The following ADAMTS10 variants were observed in gnomAD, a reference collection of about 807,000 sequenced individuals.
ADAMTS10 encodes the protein ADAM metallopeptidase with thrombospondin type 1 motif 10.
ADAMTS10 carries 48 observed loss-of-function variants against 135.9 expected under a neutral mutation model. The ratio of observed to expected loss-of-function variants is 0.35; its 90% CI spans 0.28 to 0.45. ADAMTS10 has a LOEUF of 0.45. ADAMTS10 is among the 20% of genes least tolerant of loss of function. The probability of loss-of-function intolerance (pLI) is 1.00; values close to 1 mark genes in which losing one functional copy is unlikely to be tolerated. For synonymous variants in ADAMTS10, 621 were observed against 647.5 expected, an observed-to-expected ratio of 0.96 and a Z score of 0.62; for missense variants, 1,131 against 1,565.2, an observed-to-expected ratio of 0.72 and a Z score of 4.68.
In ADAMTS10 at chr19:8,605,770, C is replaced by T. The variant is rs573082154; in HGVS notation, c.-60G>A. ...CGGCTGCCGGCAGCCCCCACAGTGCCGCCTCCCCTGTTCACAGCCTTCGCA... is the reference window on the plus strand; with the variant it reads ...CGGCTGCCGGCAGCCCCCACAGTGCTGCCTCCCCTGTTCACAGCCTTCGCA... On this transcript the variant is annotated 5_prime_UTR_variant, in exon 3 of 26. Coordinates refer to ENST00000597188, the MANE Select transcript of ADAMTS10 (RefSeq NM_030957.4). The surrounding 1 kb of genome is among the most constrained non-coding windows in gnomAD (Gnocchi z 7.7). The T allele has an allele frequency of 2.7e-4, 416 of 1,551,568 alleles. No homozygotes were observed. The highest frequency in any genetic ancestry group is 3.4e-4 in the Non-Finnish European group (392 of 1,152,634).
chr19:8,592,904 C>A (rs1555739505), intron 12 of ADAMTS10, 34 bp from the exon 13 acceptor site: 3 of 1,581,592 alleles, frequency 1.9e-6, no homozygotes, highest in Admixed American at 3.6e-5. Flanking sequence ...GGCTCGCCCC[C>A]CTCCCTTCCT....
chr19:8,602,012 G>A (rs1459664520), intron 5 of ADAMTS10, among the ~76,000 whole-genome samples: 1 of 152,228 alleles, frequency 6.6e-6, no homozygotes. Context: ...GAACCAGCCT[G>A]TTTTGCAATT....
Position 8,595,753 on chromosome 19 carries a change from T to C in ADAMTS10, c.1479+9A>G. 1 of 1,363,652 alleles carries C rather than the reference T, an allele frequency of 7.3e-7. No homozygotes were observed. The highest frequency in any genetic ancestry group is 9.8e-7 in the Non-Finnish European group (1 of 1,020,194). The allele number at this position is 1,363,652 out of a possible 1,614,324, so 84.5% of individuals were successfully genotyped here. A position where few individuals can be genotyped will look rare whatever the true frequency, so the allele number is the denominator to read the frequency against. Reference sequence around the variant, plus strand: ...CTCCCAGGAAGGAAAGCAGGAAGACTCTCTCTACCCCGTATTTACACTGAC... The same window carrying C: ...CTCCCAGGAAGGAAAGCAGGAAGACCCTCTCTACCCCGTATTTACACTGAC... On this transcript the variant is annotated intron_variant, in intron 12 of 25. Coordinates refer to ENST00000597188, the MANE Select transcript of ADAMTS10 (RefSeq NM_030957.4).
At position 8,580,782 on chromosome 19, in the gene ADAMTS10, G is replaced by A; in HGVS notation, c.*111C>T. ...TTCCCAATAAATAACTTCCGGCTCC[G>A]TCTCACCCTTCCCTCCCAGTTCCCG... On this transcript the variant is annotated 3_prime_UTR_variant, in exon 26 of 26. Coordinates refer to ENST00000597188, the MANE Select transcript of ADAMTS10 (RefSeq NM_030957.4). 1 of 830,746 alleles carries A rather than the reference G, an allele frequency of 1.2e-6. No individual in the cohort carries two copies. The highest frequency in any genetic ancestry group is 1.9e-6 in the Non-Finnish European group (1 of 518,298). The allele number at this position is 830,746 out of a possible 1,614,324, so 51.5% of individuals were successfully genotyped here.
At chr19:8,607,818 C>T (rs11883233) in intron 2 of ADAMTS10, among the ~76,000 whole-genome samples, 104,435 of 143,904 alleles carry the variant, frequency 0.73, 37,946 homozygotes, top group East Asian at 0.84. Context: ...CTCTCTCTCT[C>T]TCTTTTTTTT....
At chr19:8,608,275 G>A (rs2042743869) in intron 1 of ADAMTS10, 27 bp from the exon 2 acceptor site, 1 of 152,448 alleles carries the variant, frequency 6.6e-6, no homozygotes, top group Admixed American at 6.6e-5. Context: ...CAAAGAGGAG[G>A]AGCCGGGCTG....
intron 18 of ADAMTS10, 129 bp from the exon 19 acceptor site, chr19:8,587,025 C>G: frequency 1.0e-6 from 1 of 976,674 alleles, no homozygotes; most frequent in Non-Finnish European, 1.6e-6. Context: ...TGCACCCCTG[C>G]CCCACCCTTG....
rs2042553666 is a variant in ADAMTS10, at chr19:8,592,630, G to A, written c.1587+133C>T. On this transcript the variant is annotated intron_variant, in intron 13 of 25. Coordinates refer to ENST00000597188, the MANE Select transcript of ADAMTS10 (RefSeq NM_030957.4). ...AGCAGTAGGCGTGGCCACAGCCGAG[G>A]GAGCACAAATGGCGGGCGTGGCCAA... The A allele has an allele frequency of 4.3e-6, 4 of 924,582 alleles. No homozygotes were observed. In the South Asian group the frequency reaches 4.5e-5, roughly 10 times the overall value. 57.3% of individuals were successfully genotyped at this position (924,582 alleles called of 1,614,324 possible). A position where few individuals can be genotyped will look rare whatever the true frequency, so the allele number is the denominator to read the frequency against.
rs2042332897 is a variant in ADAMTS10, at chr19:8,580,743, G to C, written c.*150C>G. The C allele has an allele frequency of 1.6e-6, 1 of 639,842 alleles. No individual in the cohort carries two copies. Among genetic ancestry groups the C allele is most frequent in the African/African-American group, 1.8e-5 (1 of 54,698 alleles). 39.6% of individuals were successfully genotyped at this position (639,842 alleles called of 1,614,324 possible). Reference sequence around the variant, plus strand: ...CAGCCCCTCTCCATCCCCCCAGCCAGGGCCCTGCAGGGGTTCCCAATAAAT... The same window carrying C: ...CAGCCCCTCTCCATCCCCCCAGCCACGGCCCTGCAGGGGTTCCCAATAAAT... On this transcript the variant is annotated 3_prime_UTR_variant, in exon 26 of 26. Transcript: ENST00000597188.
intron 1 of ADAMTS10, among the ~76,000 whole-genome samples, chr19:8,609,372 G>C (rs2042756087): frequency 6.6e-6 from 1 of 151,852 alleles, no homozygotes; most frequent in Non-Finnish European, 1.5e-5. Flanking sequence ...AAATGGAAAT[G>C]GCTTAGAAAC....
intron 12 of ADAMTS10, among the ~76,000 whole-genome samples, chr19:8,594,546 C>T (rs1383799830): frequency 6.6e-6 from 1 of 152,178 alleles, no homozygotes; most frequent in Non-Finnish European, 1.5e-5. Flanking sequence ...GATATTTTGA[C>T]AGCTCCTCCC....
intron 12 of ADAMTS10, 121 bp downstream of exon 12, chr19:8,595,641 A>ACC: frequency 6.8e-7 from 1 of 1,479,838 alleles, no homozygotes; most frequent in Middle Eastern, 2.4e-4. Context: ...GGCTCACCTC[A>ACC]CCCCCCTTCC....
Position 8,585,591 on chromosome 19 carries a change from C to G in ADAMTS10, c.2730G>C (p.Val910=). The change falls in exon 23 of 26, where the codon GTG becomes GTC. Residue 910 remains valine (V), a synonymous_variant. Transcript: ENST00000597188. Reference sequence around the variant, plus strand: ...CCGCGGCAGAGACGCGGCGCTGGCACACGACCGAGCGGCTGCGCACGCCTG... The same window carrying G: ...CCGCGGCAGAGACGCGGCGCTGGCAGACGACCGAGCGGCTGCGCACGCCTG... The part of the protein sequence containing the change: ...CDAGVRSRSV[V]CQRRVSAAEE... 6.2e-7 allele frequency: 1 copy of G among 1,610,050 alleles called. No individual in the cohort carries two copies. The highest frequency in any genetic ancestry group is 8.5e-7 in the Non-Finnish European group (1 of 1,178,768).
intron 18 of ADAMTS10, among the ~76,000 whole-genome samples, chr19:8,587,476 T>C (rs2042453608): frequency 6.7e-6 from 1 of 149,082 alleles, no homozygotes; most frequent in African/African-American, 2.5e-5. Flanking sequence ...GCCAGCTTTT[T>C]TTTTTTTTCA....
chr19:8,596,022 G>T lies in ADAMTS10; in HGVS notation c.1337+51C>A. ...ATTTCTATCGTCTCCCGTGTACCCT[G>T]CCCCACCATGAGTGTGACCCGCTCT... On this transcript the variant is annotated intron_variant, in intron 11 of 25. Coordinates refer to ENST00000597188, the MANE Select transcript of ADAMTS10 (RefSeq NM_030957.4). This position sits in a 1 kb window ranked among gnomAD's most constrained non-coding sequence, Gnocchi z 7.2. 1 of 1,613,858 alleles carries T rather than the reference G, an allele frequency of 6.2e-7. No homozygotes were observed. Among genetic ancestry groups the T allele is most frequent in the Non-Finnish European group, 8.5e-7 (1 of 1,179,860 alleles).
Position 8,601,362 on chromosome 19 carries a change from CT to C in ADAMTS10, c.593-218del, listed in dbSNP as rs373213602. 0.27 allele frequency among the ~76,000 whole-genome samples: 36,432 copies of C among 136,634 alleles called. 4,478 individuals are homozygous for C. The highest frequency in any genetic ancestry group is 0.4 in the African/African-American group (14,329 of 36,120). 89.6% of individuals were successfully genotyped at this position (136,634 alleles called of 152,430 possible). On this transcript the variant is annotated intron_variant, in intron 5 of 25. Transcript: ENST00000597188. The surrounding 1 kb of genome is among the most constrained non-coding windows in gnomAD (Gnocchi z 4.6). ...CAAACACCTCATCGTTTTTCTTATT[CT>C]TTTTTTTTTTTTTTTTGAGACGGAG...
intron 4 of ADAMTS10, among the ~76,000 whole-genome samples, chr19:8,604,630 T>A (rs2042700326): frequency 6.6e-6 from 1 of 151,452 alleles, no homozygotes; most frequent in South Asian, 2.1e-4. Flanking sequence ...TACATACACA[T>A]ACCACCATGC....
In ADAMTS10 at chr19:8,586,250, A is replaced by T; in HGVS notation, c.2532T>A (p.Gly844=). The change falls in exon 22 of 26, where the codon GGT becomes GGA. Residue 844 remains glycine, a splice_region_variant and synonymous_variant. Transcript: ENST00000597188. ...WTKCSAQCAG[G]SQVQAVECRN... is the part of the protein sequence containing the mutation. ...GGCACTCCACCGCCTGCACCTGGCTACCTGGAGGGGAGGGTGAGAGGCCTG... is the reference window on the plus strand; with the variant it reads ...GGCACTCCACCGCCTGCACCTGGCTTCCTGGAGGGGAGGGTGAGAGGCCTG... 6.2e-7 allele frequency: 1 copy of T among 1,613,140 alleles called. No homozygotes were observed.
intron 5 of ADAMTS10, among the ~76,000 whole-genome samples, chr19:8,602,358 G>A (rs1298191663): frequency 5.3e-5 from 8 of 151,984 alleles, no homozygotes; most frequent in African/African-American, 1.7e-4. Context: ...TCACTCTGTC[G>A]CCCAGGCTGG....
Sources: allele counts gnomAD v4.1 joint callset (sites outside exome capture counted in the v4.1 genomes callset), GRCh38; gene constraint gnomAD v4.1.1; non-coding constraint Gnocchi (gnomAD v3.1); transcripts MANE v1.5; gene names NCBI Gene and HGNC (gene_info 2026-07-23, HGNC 2026-07-21).